The following YY1AP1 variants were observed in gnomAD, a reference collection of about 807,000 sequenced individuals.
The protein encoded by YY1AP1 is YY1 associated protein 1, also known as YY1-associated protein 1.
In YY1AP1, 43 loss-of-function variants were observed where a neutral mutation model predicts 39.9. The ratio of observed to expected loss-of-function variants is 1.08; its 90% CI spans 0.84 to 1.39. The LOEUF (loss-of-function observed/expected upper bound fraction) is 1.39, where lower values mean the gene tolerates loss of function less well. Ranked by LOEUF, YY1AP1 falls within the 40% of genes most tolerant of loss-of-function variation. The pLI is 0.00. For synonymous variants in YY1AP1, 292 were observed against 331.3 expected (o/e 0.88, Z 1.29); for missense variants, 813 against 900.7 (o/e 0.90, Z 1.25).
intron 5 of YY1AP1, 56 bp from the exon 6 acceptor site, chr1:155,675,152 G>T (rs1650455089): frequency 3.3e-6 from 5 of 1,526,138 alleles, no homozygotes; most frequent in Non-Finnish European, 4.5e-6. Flanking sequence ...CATTTCAGGA[G>T]CCCAGAGATA....
At chr1:155,680,995 A>T (rs1438387054) in intron 2 of YY1AP1, among the ~76,000 whole-genome samples, 1 of 152,106 alleles carries the variant, frequency 6.6e-6, no homozygotes, top group Non-Finnish European at 1.5e-5. Context: ...CTTAAATTCT[A>T]ATAGGAAGAA....
At chr1:155,668,225 C>T (rs762468890) in intron 9 of YY1AP1, among the ~76,000 whole-genome samples, 4 of 151,998 alleles carry the variant, frequency 2.6e-5, no homozygotes, top group African/African-American at 4.8e-5. Flanking sequence ...CACTTGAACC[C>T]GGGAGGCGGA....
intron 9 of YY1AP1, among the ~76,000 whole-genome samples, chr1:155,667,698 T>C (rs1326294592): frequency 6.6e-6 from 1 of 151,722 alleles, no homozygotes; most frequent in Non-Finnish European, 1.5e-5. Flanking sequence ...GGCAGGGGCC[T>C]GTAATCCCAG....
At chr1:155,688,630 C>CT in intron 1 of YY1AP1, 29 bp downstream of exon 1, 1 of 1,534,588 alleles carries the variant, frequency 6.5e-7, no homozygotes, top group African/African-American at 1.4e-5. Context: ...CCCTGTCAAG[C>CT]CGGCTCCAGC....
In YY1AP1 at chr1:155,672,855, A is replaced by G. The variant is rs1184462092; in HGVS notation, c.412-124T>C. 4.5e-6 allele frequency: 6 copies of G among 1,327,994 alleles called. No homozygotes were observed. The African/African-American group carries it at 5.8e-5, about 13-fold the overall frequency. The allele number at this position is 1,327,994 out of a possible 1,614,324, so 82.3% of individuals were successfully genotyped here. On this transcript the variant is annotated intron_variant, in intron 6 of 10. Transcript: ENST00000355499. Reference sequence around the variant, plus strand: ...GATAAAAACAGGTAAAAATAATCATAAAGTCTTTCACAATAAACTACTGTT... The same window carrying G: ...GATAAAAACAGGTAAAAATAATCATGAAGTCTTTCACAATAAACTACTGTT...
intron 1 of YY1AP1, 107 bp downstream of exon 1, chr1:155,688,551 GC>G (rs1653067847): frequency 6.5e-7 from 1 of 1,539,574 alleles, no homozygotes. Flanking sequence ...CGGCCGTCCT[GC>G]GAGCCAGCCA....
intron 2 of YY1AP1, among the ~76,000 whole-genome samples, chr1:155,683,265 T>C (rs1210528095): frequency 6.6e-6 from 1 of 152,050 alleles, no homozygotes; most frequent in Non-Finnish European, 1.5e-5. Flanking sequence ...CACTGTATCT[T>C]AGTACCTGGA....
chr1:155,684,471 TAGAA>T (rs954189669), intron 2 of YY1AP1, among the ~76,000 whole-genome samples: 2 of 152,020 alleles, frequency 1.3e-5, no homozygotes, highest in Non-Finnish European at 2.9e-5. Context: ...GCCATGTCAA[TAGAA>T]AGAAAGGACT....
chr1:155,666,546 G>T (rs1468407020), intron 9 of YY1AP1, among the ~76,000 whole-genome samples: 1 of 152,190 alleles, frequency 6.6e-6, no homozygotes, highest in Non-Finnish European at 1.5e-5. Context: ...AGGGAGTGAG[G>T]AGAGAGGTAA....
chr1:155,670,074 A>C (rs1649620300), intron 8 of YY1AP1, among the ~76,000 whole-genome samples: 2 of 152,162 alleles, frequency 1.3e-5, no homozygotes, highest in South Asian at 4.1e-4. Flanking sequence ...TGGCCTTTCA[A>C]AGTGCTGGGA....
intron 7 of YY1AP1, chr1:155,670,671 T>C (rs11264400): frequency 2.5e-4 from 130 of 514,918 alleles, no homozygotes; most frequent in African/African-American, 2.5e-3. Context: ...GCAATAAAAG[T>C]TGACTTTTTT....
chr1:155,687,033 C>A (rs930434612), intron 2 of YY1AP1, among the ~76,000 whole-genome samples: 4 of 151,972 alleles, frequency 2.6e-5, no homozygotes, highest in Admixed American at 2.6e-4. Context: ...TCTCCTTATG[C>A]CTAAATTTCC....
intron 2 of YY1AP1, among the ~76,000 whole-genome samples, chr1:155,686,686 G>A (rs561056076): frequency 1.3e-5 from 2 of 152,356 alleles, no homozygotes; most frequent in South Asian, 4.1e-4. Context: ...AAGTTAAGCT[G>A]TGAAAGCCTT....
At chr1:155,669,301 G>T (rs1006960526) in intron 8 of YY1AP1, among the ~76,000 whole-genome samples, 1 of 152,206 alleles carries the variant, frequency 6.6e-6, no homozygotes, top group African/African-American at 2.4e-5. Flanking sequence ...GCCTCCCAAA[G>T]TGTCGTCATT....
At chr1:155,669,293 C>A (rs773741332) in intron 8 of YY1AP1, among the ~76,000 whole-genome samples, 1 of 152,200 alleles carries the variant, frequency 6.6e-6, no homozygotes, top group African/African-American at 2.4e-5. Flanking sequence ...CTGCCTCGGC[C>A]TCCCAAAGTG....
At chr1:155,679,068 G>C in intron 4 of YY1AP1, 1 of 1,183,876 alleles carries the variant, frequency 8.4e-7, no homozygotes, top group South Asian at 1.6e-5. Context: ...CACATAAAAA[G>C]AACAAAAGGG....
intron 9 of YY1AP1, among the ~76,000 whole-genome samples, chr1:155,666,847 A>G (rs973617543): frequency 6.6e-6 from 1 of 152,154 alleles, no homozygotes. Flanking sequence ...TAAAAATATA[A>G]AAATTAGCCA....
At position 155,675,109 on chromosome 1, in the gene YY1AP1, A is replaced by T; in HGVS notation, c.325-13T>A. On this transcript the variant is annotated splice_polypyrimidine_tract_variant and intron_variant, in intron 5 of 10. Coordinates refer to ENST00000355499, the MANE Select transcript of YY1AP1 (RefSeq NM_139119.3). ...AGAGCTGAACATGCTGGGGAGAGAA[A>T]GAAAATAATGCAGTGATATGTTATG... is the stretch of plus-strand genomic sequence containing the variant. The T allele has an allele frequency of 1.2e-6, 2 of 1,611,336 alleles. No homozygotes were observed.
rs772846442 is a variant in YY1AP1 at position 155,679,457 on chromosome 1, T to C, written c.77A>G (p.Glu26Gly). The change falls in exon 4 of 11, where the codon GAG becomes GGG. Residue 26 changes from glutamate (E) to glycine (G), a missense_variant. Physicochemically the swap from Glu to Gly is moderately conservative, Grantham distance 98 (BLOSUM62 -2). Transcript: ENST00000355499. ...GTTAGCTTGAGGCTCAGCCACACGC[T>C]CCTCCTCTTCTGGGCCATCATCTTC... The part of the protein sequence containing the change: ...NMEDDGPEEE[E>G]RVAEPQANFN... The C allele has an allele frequency of 6.2e-7, 1 of 1,614,076 alleles. No homozygotes were observed. Among genetic ancestry groups the C allele is most frequent in the African/African-American group, 1.3e-5 (1 of 74,930 alleles).
Sources: gnomAD v4.1 joint callset for allele counts (sites outside exome capture counted in the v4.1 genomes callset) on GRCh38, gnomAD v4.1.1 for gene constraint, MANE v1.5 for transcripts, NCBI Gene and HGNC (gene_info 2026-07-23, HGNC 2026-07-21) for gene names.